GAB2: variants seen among roughly 807,000 people sequenced by gnomAD.
GAB2 encodes the protein GRB2 associated binding protein 2, also known as GRB2-associated-binding protein 2.
In GAB2, 26 loss-of-function variants were observed where a neutral mutation model predicts 65.5. The ratio of observed to expected loss-of-function variants is 0.40; its 90% CI spans 0.29 to 0.55. GAB2 has a LOEUF of 0.55. Ranked by LOEUF, GAB2 falls within the 20% of genes least tolerant of loss-of-function variation. The pLI is 0.53. For missense variants in GAB2, 884 were observed against 875.8 expected (o/e 1.01, Z -0.12); for synonymous variants, 321 against 329.6 (o/e 0.97, Z 0.28).
At chr11:78,407,699 A>G (rs193009479) in intron 1 of GAB2, among the ~76,000 whole-genome samples, 2 of 120,460 alleles carry the variant, frequency 1.7e-5, no homozygotes, top group African/African-American at 2.7e-5. Context: ...GAAAGAAAGA[A>G]AGAGATGGCA....
At chr11:78,309,951 T>C (rs1196363335) in intron 1 of GAB2, among the ~76,000 whole-genome samples, 1 of 140,648 alleles carries the variant, frequency 7.1e-6, no homozygotes, top group Non-Finnish European at 1.5e-5. Flanking sequence ...TGTGTGTGTG[T>C]GTGTGTGTGT....
intron 1 of GAB2, among the ~76,000 whole-genome samples, chr11:78,309,052 G>A (rs1855432326): frequency 6.6e-6 from 1 of 151,752 alleles, no homozygotes; most frequent in South Asian, 2.1e-4. Flanking sequence ...CTGGGAGTGG[G>A]GACAGAAAAA....
chr11:78,414,034 G>T (rs1229685912), intron 1 of GAB2, among the ~76,000 whole-genome samples: 1 of 145,748 alleles, frequency 6.9e-6, no homozygotes. Context: ...GTTGCAGTGA[G>T]CCCAGATCGT....
intron 1 of GAB2, among the ~76,000 whole-genome samples, chr11:78,397,913 G>A (rs1301699895): frequency 2.0e-5 from 3 of 152,008 alleles, no homozygotes; most frequent in Non-Finnish European, 4.4e-5. Flanking sequence ...GTAAATCCAG[G>A]CACAGTGGTG....
intron 1 of GAB2, among the ~76,000 whole-genome samples, chr11:78,348,254 C>A (rs1346891252): frequency 6.6e-6 from 1 of 152,086 alleles, no homozygotes; most frequent in African/African-American, 2.4e-5. Flanking sequence ...TATAAATGGA[C>A]CCATGCAGTT....
At chr11:78,253,004 CTTTTTT>C (rs984989129) in intron 2 of GAB2, among the ~76,000 whole-genome samples, 3 of 106,948 alleles carry the variant, frequency 2.8e-5, no homozygotes, top group African/African-American at 1.3e-4. Context: ...AATATCTTTC[CTTTTTT>C]TTTTTTTTTT....
chr11:78,285,256 C>A (rs906234760), intron 1 of GAB2, among the ~76,000 whole-genome samples: 6 of 152,180 alleles, frequency 3.9e-5, no homozygotes, highest in African/African-American at 1.4e-4. Flanking sequence ...TATGCAGGTG[C>A]AAGCACAAAA....
intron 1 of GAB2, among the ~76,000 whole-genome samples, chr11:78,353,310 G>A (rs1856309079): frequency 6.6e-6 from 1 of 152,152 alleles, no homozygotes; most frequent in South Asian, 2.1e-4. Flanking sequence ...GCATGGTGGT[G>A]TGTACCTGTA....
chr11:78,297,115 A>G (rs928928589), intron 1 of GAB2, among the ~76,000 whole-genome samples: 40 of 152,156 alleles, frequency 2.6e-4, no homozygotes, highest in African/African-American at 9.2e-4. Context: ...TTACAAGTAA[A>G]TTTCAGTGAG....
chr11:78,389,407 T>A (rs1444986586), intron 1 of GAB2, among the ~76,000 whole-genome samples: 1 of 151,890 alleles, frequency 6.6e-6, no homozygotes, highest in Admixed American at 6.6e-5. Flanking sequence ...CCCGGGTTGA[T>A]GTGATTCTTT....
chr11:78,312,502 T>C (rs1191854297), intron 1 of GAB2, among the ~76,000 whole-genome samples: 1 of 152,228 alleles, frequency 6.6e-6, no homozygotes, highest in Non-Finnish European at 1.5e-5. Context: ...CTCAGCTCAG[T>C]GCAACCTCCA....
chr11:78,299,680 A>T (rs1866939031), intron 1 of GAB2, among the ~76,000 whole-genome samples: 1 of 152,232 alleles, frequency 6.6e-6, no homozygotes. Flanking sequence ...CATTCAAAGG[A>T]TGACATGAGA....
chr11:78,312,421 C>T (rs905589019), intron 1 of GAB2, among the ~76,000 whole-genome samples: 4 of 152,068 alleles, frequency 2.6e-5, no homozygotes, highest in Admixed American at 1.3e-4. Context: ...TATTATTATC[C>T]CATTTTATTT....
rs1481426211 is a variant in GAB2, at chr11:78,215,506, G to GTGAT, written c.*3762_*3765dup. 8 of 152,634 alleles carry GTGAT rather than the reference G, an allele frequency of 5.2e-5. No homozygotes were observed. The highest frequency in any genetic ancestry group is 2.1e-4 in the South Asian group (1 of 4,830). 9.5% of individuals were successfully genotyped at this position (152,634 alleles called of 1,614,324 possible). ...TAACTTAAGTGATTAGGCACCAACA[G>GTGAT]TGATTTGAAAATTAAATGTCAATTT... On this transcript the variant is annotated 3_prime_UTR_variant, in exon 10 of 10. Transcript: ENST00000361507.
intron 1 of GAB2, among the ~76,000 whole-genome samples, chr11:78,309,454 T>C (rs207472026): frequency 7.4e-6 from 1 of 135,966 alleles, no homozygotes; most frequent in Non-Finnish European, 1.6e-5. Context: ...GGTTAAACCC[T>C]GCCCCCTGCC....
At chr11:78,219,487 C>G (rs185401044) in intron 9 of GAB2, 72 bp from the exon 10 acceptor site, 2 of 1,407,798 alleles carry the variant, frequency 1.4e-6, no homozygotes, top group Admixed American at 1.7e-5. Flanking sequence ...AAGGTGGGCA[C>G]GGGATCTTCC....
At chr11:78,241,352 T>C (rs1449829581) in intron 3 of GAB2, among the ~76,000 whole-genome samples, 2 of 152,120 alleles carry the variant, frequency 1.3e-5, no homozygotes, top group East Asian at 3.9e-4. Context: ...GAAGAGGTGA[T>C]CTTTCCACCA....
intron 1 of GAB2, among the ~76,000 whole-genome samples, chr11:78,347,053 G>A (rs994912558): frequency 1.3e-5 from 2 of 152,006 alleles, no homozygotes; most frequent in African/African-American, 4.8e-5. Context: ...CCATCCAACT[G>A]GGTGATCTAA....
At position 78,246,478 on chromosome 11, in the gene GAB2, A is replaced by G. The variant is rs187892085; in HGVS notation, c.620+3679T>C. Among the ~76,000 whole-genome samples, 208 of 150,078 alleles carry G rather than the reference A, an allele frequency of 1.4e-3. 1 individual carries two copies. Among genetic ancestry groups the G allele is most frequent in the Admixed American group, 4.6e-3 (69 of 15,134 alleles). On this transcript the variant is annotated intron_variant, in intron 3 of 9. Transcript: ENST00000361507. ...TGTGTAGATGCTGGGTTCTGTTATA[A>G]TCCCATGGAGAAGTGCTATTTTTTT...
Sources: gnomAD v4.1 joint callset for allele counts (sites outside exome capture counted in the v4.1 genomes callset) on GRCh38, gnomAD v4.1.1 for gene constraint, MANE v1.5 for transcripts, NCBI Gene and HGNC (gene_info 2026-07-23, HGNC 2026-07-21) for gene names.